PPP1R9A: variants seen among roughly 807,000 people sequenced by gnomAD.
PPP1R9A encodes the protein protein phosphatase 1 regulatory subunit 9A, also known as neurabin-1.
Under a neutral mutation model 141.9 loss-of-function variants are expected in PPP1R9A, and 59 were observed. The observed-to-expected ratio is 0.42, with a 90% CI of 0.34 to 0.52. The LOEUF (loss-of-function observed/expected upper bound fraction) is 0.52. Among genes scored for constraint, PPP1R9A ranks in the 20% least tolerant of loss-of-function variants. The pLI, the probability that PPP1R9A is intolerant of heterozygous loss-of-function variation, is 0.10. For synonymous variants in PPP1R9A, 500 were observed against 569.7 expected (o/e 0.88, Z 1.74); for missense variants, 1,444 against 1,611.9 (o/e 0.90, Z 1.78).
chr7:94,983,167 C>T (rs1451849956), intron 2 of PPP1R9A, among the ~76,000 whole-genome samples: 1 of 152,114 alleles, frequency 6.6e-6, no homozygotes, highest in Admixed American at 6.6e-5. Context: ...TCTGAGGGCT[C>T]TGTTCTGTTC....
chr7:95,124,044 A>T (rs1823106819), intron 4 of PPP1R9A, among the ~76,000 whole-genome samples: 1 of 152,316 alleles, frequency 6.6e-6, no homozygotes, highest in South Asian at 2.1e-4. Flanking sequence ...AAGAAAATTG[A>T]GGGTGGTTGT....
intron 2 of PPP1R9A, among the ~76,000 whole-genome samples, chr7:95,062,977 T>C (rs1812442180): frequency 6.6e-6 from 1 of 152,096 alleles, no homozygotes; most frequent in African/African-American, 2.4e-5. Context: ...CCATTGGAAA[T>C]TGACTGGTCA....
chr7:95,234,907 G>A (rs10276594), intron 8 of PPP1R9A, among the ~76,000 whole-genome samples: 108,858 of 152,072 alleles, frequency 0.72, 40,313 homozygotes, highest in East Asian at 0.97. Context: ...ACAAAAACAT[G>A]AAGTGGGGAA....
intron 2 of PPP1R9A, among the ~76,000 whole-genome samples, chr7:95,048,174 A>T (rs1584434738): frequency 6.6e-6 from 1 of 152,320 alleles, no homozygotes; most frequent in East Asian, 1.9e-4. Context: ...TTTCTTGTTC[A>T]CTAGGATGAC....
chr7:95,068,759 G>T (rs915179028), intron 2 of PPP1R9A, among the ~76,000 whole-genome samples: 4 of 152,124 alleles, frequency 2.6e-5, no homozygotes, highest in Non-Finnish European at 5.9e-5. Flanking sequence ...GCTAGAAGAA[G>T]ATGTTGGTCT....
chr7:95,200,419 A>G (rs931321817), intron 6 of PPP1R9A, among the ~76,000 whole-genome samples: 2 of 150,878 alleles, frequency 1.3e-5, no homozygotes, highest in African/African-American at 4.9e-5. Flanking sequence ...CAACAAGCAC[A>G]CAGAACCACA....
intron 5 of PPP1R9A, among the ~76,000 whole-genome samples, chr7:95,180,869 A>G (rs1270229500): frequency 6.6e-6 from 1 of 152,184 alleles, no homozygotes; most frequent in East Asian, 1.9e-4. Flanking sequence ...AAATAAAAAA[A>G]CTGATGTTGA....
intron 4 of PPP1R9A, among the ~76,000 whole-genome samples, chr7:95,140,775 C>A (rs566659845): frequency 2.6e-5 from 4 of 152,268 alleles, no homozygotes; most frequent in African/African-American, 4.8e-5. Flanking sequence ...TGCAGTGGCA[C>A]AGTCTTGGCT....
chr7:95,073,389 G>A (rs1814291911), intron 2 of PPP1R9A, among the ~76,000 whole-genome samples: 1 of 152,022 alleles, frequency 6.6e-6, no homozygotes, highest in African/African-American at 2.4e-5. Context: ...AGTAACTTTG[G>A]ATTTGACTCT....
chr7:95,131,402 C>T (rs1215906033), intron 4 of PPP1R9A, among the ~76,000 whole-genome samples: 1 of 152,146 alleles, frequency 6.6e-6, no homozygotes, highest in Non-Finnish European at 1.5e-5. Context: ...ATTACCCAAT[C>T]TTTGATATGT....
intron 2 of PPP1R9A, among the ~76,000 whole-genome samples, chr7:95,079,961 A>T (rs1341444159): frequency 5.9e-5 from 9 of 152,212 alleles, no homozygotes; most frequent in Non-Finnish European, 1.2e-4. Context: ...GCTATCTATG[A>T]CAAACCCACA....
intron 2 of PPP1R9A, among the ~76,000 whole-genome samples, chr7:95,079,191 T>G (rs1337565637): frequency 6.6e-6 from 1 of 152,250 alleles, no homozygotes; most frequent in Middle Eastern, 3.2e-3. Flanking sequence ...GTTTCAGCTT[T>G]CTACATATGG....
chr7:95,119,677 C>G lies in PPP1R9A; in HGVS notation c.1529-1035C>G, dbSNP rs553750501. 9.6e-4 allele frequency among the ~76,000 whole-genome samples: 146 copies of G among 152,196 alleles called. 1 individual carries two copies. Among genetic ancestry groups the G allele is most frequent in the Non-Finnish European group, 2.9e-5 (2 of 67,988 alleles). ...CCCTGTTGCCCAGGCTTGTCTTGAA[C>G]TCCTGGGCTCAAGGGATTCTCCCAC... On this transcript the variant is annotated intron_variant, in intron 3 of 19. Transcript: ENST00000433360.
At chr7:95,221,504 A>G (rs80086011) in intron 7 of PPP1R9A, among the ~76,000 whole-genome samples, 7,559 of 152,120 alleles carry the variant, frequency 0.05, 512 homozygotes, top group East Asian at 0.36. Flanking sequence ...TAGTATGTCT[A>G]CATACGTCTC....
intron 5 of PPP1R9A, among the ~76,000 whole-genome samples, chr7:95,180,491 C>T (rs577771022): frequency 1.3e-5 from 2 of 152,138 alleles, no homozygotes; most frequent in African/African-American, 4.8e-5. Flanking sequence ...ACCAAGAACC[C>T]AAAAGCAAAT....
intron 7 of PPP1R9A, among the ~76,000 whole-genome samples, chr7:95,215,519 T>C (rs1394033452): frequency 6.6e-6 from 1 of 152,170 alleles, no homozygotes; most frequent in Non-Finnish European, 1.5e-5. Context: ...ATGGTATTTC[T>C]AGTTCTAGAT....
At chr7:95,099,508 AT>A (rs1818472060) in intron 2 of PPP1R9A, among the ~76,000 whole-genome samples, 1 of 152,190 alleles carries the variant, frequency 6.6e-6, no homozygotes, top group Non-Finnish European at 1.5e-5. Context: ...CATCAGTGGA[AT>A]TTCCCAGTTC....
At chr7:95,188,402 T>C (rs1834960072) in intron 5 of PPP1R9A, among the ~76,000 whole-genome samples, 2 of 152,212 alleles carry the variant, frequency 1.3e-5, no homozygotes, top group African/African-American at 4.8e-5. Context: ...CTCTTGAAGA[T>C]AGCATATACT....
intron 7 of PPP1R9A, among the ~76,000 whole-genome samples, chr7:95,208,540 C>T (rs796138064): frequency 7.9e-5 from 12 of 151,814 alleles, no homozygotes; most frequent in African/African-American, 2.9e-4. Flanking sequence ...CTGGCTAACA[C>T]GGTGAAATCC....
Sources: gnomAD v4.1 joint callset for allele counts (sites outside exome capture counted in the v4.1 genomes callset) on GRCh38, gnomAD v4.1.1 for gene constraint, MANE v1.5 for transcripts, NCBI Gene and HGNC (gene_info 2026-07-23, HGNC 2026-07-21) for gene names.